SPATA33: variants seen among roughly 807,000 people sequenced by gnomAD.
SPATA33 encodes the protein spermatogenesis associated 33.
SPATA33 carries 10 observed loss-of-function variants against 8.9 expected under a neutral mutation model. The observed-to-expected ratio is 1.12, with a 90% CI of 0.69 to 1.90. The LOEUF (loss-of-function observed/expected upper bound fraction) is 1.90, where lower values mean the gene tolerates loss of function less well. Among genes scored for constraint, SPATA33 ranks in the 40% most tolerant of loss-of-function variants. The pLI is 0.00. For missense variants in SPATA33, 241 were observed against 178.3 expected (o/e 1.35, Z -2.00); for synonymous variants, 96 against 72.8 (o/e 1.32, Z -1.63).
chr16:89,669,651 C>A lies in SPATA33; in HGVS notation c.*154C>A. 1.4e-6 allele frequency: 1 copy of A among 722,050 alleles called. No homozygotes were observed. The highest frequency in any genetic ancestry group is 2.2e-6 in the Non-Finnish European group (1 of 447,400). The allele number at this position is 722,050 out of a possible 1,614,324, so 44.7% of individuals were successfully genotyped here. On this transcript the variant is annotated 3_prime_UTR_variant, in exon 3 of 3. Transcript: ENST00000579310. ...CTGTGAGAAACTGCAGCCCCCTTCT[C>A]CAGTGCTTTCGGGGAGGGTGCACCA...
intron 2 of SPATA33, among the ~76,000 whole-genome samples, chr16:89,668,534 A>G (rs1442174296): frequency 6.6e-6 from 1 of 152,210 alleles, no homozygotes; most frequent in African/African-American, 2.4e-5. Context: ...AGAAGCCTGA[A>G]CAGCTGTGCC....
chr16:89,662,892 C>G (rs897553259), intron 2 of SPATA33, among the ~76,000 whole-genome samples: 3 of 152,176 alleles, frequency 2.0e-5, no homozygotes, highest in African/African-American at 7.2e-5. Flanking sequence ...CTCCCGGGTT[C>G]AAGCAATTCT....
intron 2 of SPATA33, among the ~76,000 whole-genome samples, chr16:89,667,202 T>TA (rs1291515401): frequency 1.3e-5 from 2 of 152,216 alleles, no homozygotes; most frequent in African/African-American, 4.8e-5. Flanking sequence ...ACGCTGGCGT[T>TA]ACCACTAGAC....
At chr16:89,659,355 G>C (rs1175263466) in intron 2 of SPATA33, 1 of 152,344 alleles carries the variant, frequency 6.6e-6, no homozygotes, top group Non-Finnish European at 1.5e-5. Context: ...GTGCCAGGAG[G>C]AGGTGTTTTA....
chr16:89,663,875 T>C (rs1007103135), intron 2 of SPATA33, among the ~76,000 whole-genome samples: 1 of 152,176 alleles, frequency 6.6e-6, no homozygotes, highest in African/African-American at 2.4e-5. Context: ...TTTCAGAACT[T>C]TGGGAAGCCT....
chr16:89,669,047 G>A (rs1189218438), intron 2 of SPATA33, among the ~76,000 whole-genome samples: 1 of 152,136 alleles, frequency 6.6e-6, no homozygotes, highest in African/African-American at 2.4e-5. Context: ...TAGTGGAAGT[G>A]TTTCTCCTGT....
chr16:89,669,160 A>T, intron 2 of SPATA33, 126 bp from the exon 3 acceptor site: 1 of 816,228 alleles, frequency 1.2e-6, no homozygotes, highest in Non-Finnish European at 2.0e-6. Context: ...TCACTTTTGG[A>T]CTCACCCATT....
At chr16:89,658,559 T>G (rs1294856944) in intron 2 of SPATA33, 138 bp downstream of exon 2, 1 of 1,190,992 alleles carries the variant, frequency 8.4e-7, no homozygotes, top group Non-Finnish European at 1.1e-6. Flanking sequence ...TGGTTTGTTT[T>G]GGGAACTTTA....
Position 89,670,098 on chromosome 16 carries a change from A to C in SPATA33, c.*601A>C, listed in dbSNP as rs2060082754. On this transcript the variant is annotated 3_prime_UTR_variant, in exon 3 of 3. Coordinates refer to ENST00000579310, the MANE Select transcript of SPATA33 (RefSeq NM_001271907.2). Reference sequence around the variant, plus strand: ...GCCCCCTTCTCCAGTGCTTTCGGGGAGGGTACACCAGGCCCGCCCCACCCT... The same window carrying C: ...GCCCCCTTCTCCAGTGCTTTCGGGGCGGGTACACCAGGCCCGCCCCACCCT... The C allele has an allele frequency of 1.5e-5, 2 of 136,128 alleles. No homozygotes were observed. Among genetic ancestry groups the C allele is most frequent in the Admixed American group, 1.4e-4 (2 of 13,848 alleles). The allele number at this position is 136,128 out of a possible 1,614,324, so 8.4% of individuals were successfully genotyped here.
At chr16:89,667,147 G>A (rs981442004) in intron 2 of SPATA33, among the ~76,000 whole-genome samples, 2 of 152,150 alleles carry the variant, frequency 1.3e-5, no homozygotes, top group East Asian at 1.9e-4. Flanking sequence ...TGACACTGAC[G>A]CTACTGCTAG....
chr16:89,661,212 G>T, intron 2 of SPATA33: 1 of 985,422 alleles, frequency 1.0e-6, no homozygotes, highest in Non-Finnish European at 1.2e-6. Context: ...GGATATTGAT[G>T]TGGCTTGGCT....
rs770843146 is a variant in SPATA33, at chr16:89,658,237, A to G, written c.38-11A>G. The G allele has an allele frequency of 5.6e-6, 9 of 1,614,116 alleles. No individual in the cohort carries two copies. The highest frequency in any genetic ancestry group is 2.2e-5 in the East Asian group (1 of 44,882). ...AAGTCCCGGGTCTAACGGATGATCCATATATTTCAGGTGAGGAGCAAAAGA... is the reference window on the plus strand; with the variant it reads ...AAGTCCCGGGTCTAACGGATGATCCGTATATTTCAGGTGAGGAGCAAAAGA... On this transcript the variant is annotated splice_polypyrimidine_tract_variant and intron_variant, in intron 1 of 2. Transcript: ENST00000579310.
At chr16:89,666,042 C>T (rs1158808114) in intron 2 of SPATA33, among the ~76,000 whole-genome samples, 1 of 152,146 alleles carries the variant, frequency 6.6e-6, no homozygotes, top group Non-Finnish European at 1.5e-5. Context: ...AATTGTGCCA[C>T]TGCACTCCAG....
At chr16:89,663,585 T>G (rs1049792141) in intron 2 of SPATA33, among the ~76,000 whole-genome samples, 5 of 152,082 alleles carry the variant, frequency 3.3e-5, no homozygotes, top group Non-Finnish European at 7.4e-5. Context: ...GACAAAATTA[T>G]AGACAGGGAG....
intron 2 of SPATA33, chr16:89,660,444 G>A (rs1013801008): frequency 8.9e-6 from 11 of 1,231,178 alleles, no homozygotes; most frequent in Non-Finnish European, 1.1e-5. Context: ...ACACCAGAGG[G>A]TGGGGGAGGA....
chr16:89,669,051 C>T lies in SPATA33; in HGVS notation c.212-235C>T, dbSNP rs775137953. 5.3e-5 allele frequency among the ~76,000 whole-genome samples: 8 copies of T among 152,174 alleles called. No homozygotes were observed. The South Asian group carries it at 6.2e-4, about 12-fold the overall frequency. On this transcript the variant is annotated intron_variant, in intron 2 of 2. Coordinates refer to ENST00000579310, the MANE Select transcript of SPATA33 (RefSeq NM_001271907.2). ...CCTGCCACGGATAGTGGAAGTGTTT[C>T]TCCTGTTTTCTTCCCTGAAAAAGGG...
chr16:89,669,338 GATC>G lies in SPATA33; in HGVS notation c.272_274del (p.Ile91del), dbSNP rs776508602. 4 of 1,614,202 alleles carry G rather than the reference GATC, an allele frequency of 2.5e-6. No individual in the cohort carries two copies. In the South Asian group the frequency reaches 3.3e-5, roughly 13 times the overall value. On this transcript the variant is annotated inframe_deletion, in exon 3 of 3. Transcript: ENST00000579310. ...GCAGGAAGAAAGTGGTCGTTCCACA[GATC>G]ATCATCACGCGAGCGTCGAATGAGA...
At chr16:89,667,167 T>G (rs2060037249) in intron 2 of SPATA33, among the ~76,000 whole-genome samples, 2 of 152,220 alleles carry the variant, frequency 1.3e-5, no homozygotes, top group African/African-American at 4.8e-5. Context: ...GACCATGGTC[T>G]GCTTGGCAAC....
chr16:89,660,564 G>T, intron 2 of SPATA33: 2 of 1,231,486 alleles, frequency 1.6e-6, no homozygotes, highest in Non-Finnish European at 2.0e-6. Context: ...ACAGTGAGGA[G>T]CAGGCTGCTG....
Sources: gnomAD v4.1 joint callset for allele counts (sites outside exome capture counted in the v4.1 genomes callset) on GRCh38, gnomAD v4.1.1 for gene constraint, MANE v1.5 for transcripts, NCBI Gene and HGNC (gene_info 2026-07-23, HGNC 2026-07-21) for gene names.